APBA1: variants seen among roughly 807,000 people sequenced by gnomAD.
APBA1 encodes the protein amyloid beta precursor protein binding family A member 1.
A neutral mutation model predicts 86.6 loss-of-function variants in APBA1; 55 were observed. The ratio of observed to expected loss-of-function variants is 0.64; its 90% CI spans 0.51 to 0.80. The LOEUF is 0.80. APBA1 is among the 30% of genes least tolerant of loss of function. The pLI, the probability that APBA1 is intolerant of heterozygous loss-of-function variation, is 0.00. For synonymous variants in APBA1, 511 were observed against 493.9 expected (o/e 1.03, Z -0.46); for missense variants, 1,090 against 1,183.0 (o/e 0.92, Z 1.15).
At chr9:69,488,625 G>C (rs1835650210) in intron 2 of APBA1, among the ~76,000 whole-genome samples, 1 of 152,150 alleles carries the variant, frequency 6.6e-6, no homozygotes, top group African/African-American at 2.4e-5. Flanking sequence ...GCCGAAGTGT[G>C]GCATGATGGC....
intron 1 of APBA1, among the ~76,000 whole-genome samples, chr9:69,569,200 G>A (rs1837076884): frequency 1.3e-5 from 2 of 152,108 alleles, no homozygotes; most frequent in South Asian, 4.1e-4. Flanking sequence ...TCATTCAGGT[G>A]TGGTTTTTCA....
chr9:69,579,422 G>T (rs1821871186), intron 1 of APBA1, among the ~76,000 whole-genome samples: 1 of 152,162 alleles, frequency 6.6e-6, no homozygotes, highest in South Asian at 2.1e-4. Flanking sequence ...ACTATAGGAG[G>T]AATGTCTGTA....
rs980490053 is a variant in APBA1, at chr9:69,429,530, T to C, written c.*1797A>G. The C allele has an allele frequency of 6.6e-6, 1 of 152,196 alleles. No homozygotes were observed. Among genetic ancestry groups the C allele is most frequent in the African/African-American group, 2.4e-5 (1 of 41,434 alleles). The allele number at this position is 152,196 out of a possible 1,614,324, so 9.4% of individuals were successfully genotyped here. A position where few individuals can be genotyped will look rare whatever the true frequency, so the allele number is the denominator to read the frequency against. ...GCGGCCTCCCTTCCTCAGGGCTCCT[T>C]TGTAACACAGTGAAACTGAGAGTGC... On this transcript the variant is annotated 3_prime_UTR_variant, in exon 13 of 13. Transcript: ENST00000265381.
At chr9:69,584,583 C>T (rs58444973) in intron 1 of APBA1, among the ~76,000 whole-genome samples, 2,110 of 152,246 alleles carry the variant, frequency 0.014, 45 homozygotes, top group African/African-American at 0.048. Flanking sequence ...AATCATGCCA[C>T]GTACAACTAT....
chr9:69,636,889 A>G (rs1823180446), intron 1 of APBA1, among the ~76,000 whole-genome samples: 1 of 85,356 alleles, frequency 1.2e-5, no homozygotes, highest in Non-Finnish European at 2.5e-5. Context: ...GAAGGAAGGA[A>G]AGAAGGAAGG....
intron 1 of APBA1, among the ~76,000 whole-genome samples, chr9:69,613,752 T>C (rs1347336684): frequency 6.6e-6 from 1 of 152,196 alleles, no homozygotes; most frequent in African/African-American, 2.4e-5. Context: ...CTTCCCATGA[T>C]TTTACTAATA....
chr9:69,519,723 G>A (rs1414627782), intron 1 of APBA1, among the ~76,000 whole-genome samples: 3 of 152,344 alleles, frequency 2.0e-5, no homozygotes, highest in Middle Eastern at 3.4e-3. Flanking sequence ...ATAACCATAT[G>A]TGGAACTGAC....
At chr9:69,555,759 T>C (rs909314433) in intron 1 of APBA1, among the ~76,000 whole-genome samples, 1 of 152,232 alleles carries the variant, frequency 6.6e-6, no homozygotes, top group Admixed American at 6.5e-5. Context: ...TTAATTTACA[T>C]CTGTTATTAC....
At chr9:69,668,042 G>A (rs113841523) in intron 1 of APBA1, among the ~76,000 whole-genome samples, 4 of 151,924 alleles carry the variant, frequency 2.6e-5, no homozygotes, top group African/African-American at 7.3e-5. Flanking sequence ...CTTGTTTAAC[G>A]TGGTTCCTGT....
rs749325537 is a variant in APBA1, at chr9:69,516,161, G to A, written c.1050C>T (p.Ile350=). 6.2e-7 allele frequency: 1 copy of A among 1,611,960 alleles called. No homozygotes were observed. Among genetic ancestry groups the A allele is most frequent in the South Asian group, 1.1e-5 (1 of 90,964 alleles). Residue 350 remains isoleucine (I), a synonymous_variant, in exon 2 of 13, where the codon ATC becomes ATT. Coordinates refer to ENST00000265381, the MANE Select transcript of APBA1 (RefSeq NM_001163.4). The surrounding 1 kb of genome is among the most constrained non-coding windows in gnomAD (Gnocchi z 7.3). ...CCTCGATGGCCTCCTTGATGTCCTT[G>A]ATGGCCAGCGAGATGGCATCGCGCT... is the stretch of plus-strand genomic sequence containing the variant. ...KEKRDAISLA[I]KDIKEAIEEV... is the part of the protein sequence containing the mutation.
intron 1 of APBA1, among the ~76,000 whole-genome samples, chr9:69,642,030 G>A (rs1317227281): frequency 6.6e-6 from 1 of 152,158 alleles, no homozygotes; most frequent in African/African-American, 2.4e-5. Context: ...TATTTTAGTA[G>A]AGATGGGGTT....
At chr9:69,473,399 T>C (rs1204630737) in intron 3 of APBA1, among the ~76,000 whole-genome samples, 1 of 152,222 alleles carries the variant, frequency 6.6e-6, no homozygotes, top group Non-Finnish European at 1.5e-5. Context: ...ACCATTTCCC[T>C]ACCCTTGTCC....
chr9:69,493,053 G>A (rs1476284487), intron 2 of APBA1, among the ~76,000 whole-genome samples: 4 of 152,056 alleles, frequency 2.6e-5, no homozygotes, highest in Non-Finnish European at 5.9e-5. Context: ...TATGCTGCAT[G>A]AGACTACAGC....
intron 1 of APBA1, among the ~76,000 whole-genome samples, chr9:69,542,949 C>G (rs1369257417): frequency 7.9e-5 from 12 of 152,214 alleles, no homozygotes; most frequent in Admixed American, 6.5e-4. Context: ...AACCAGTTCT[C>G]GTTTTCCTTG....
In APBA1 at chr9:69,516,446, G is replaced by T; in HGVS notation, c.765C>A (p.Phe255Leu). The T allele has an allele frequency of 1.2e-6, 2 of 1,604,024 alleles. No individual in the cohort carries two copies. ...AGCTGTCCATGCGCGGGTAGGGCGC[G>T]AACTCGGCCTCCTTCTCGGGGCTGT... ...ESDSPEKEAE[F>L]APYPRMDSYE... Residue 255 changes from phenylalanine to leucine, a missense_variant, in exon 2 of 13, where the codon TTC becomes TTA. Around this residue, in one of 6 missense-constraint regions of APBA1, gnomAD observed 678 missense variants for 647.1 expected, o/e 1.05. Coordinates refer to ENST00000265381, the MANE Select transcript of APBA1 (RefSeq NM_001163.4). This position sits in a 1 kb window ranked among gnomAD's most constrained non-coding sequence, Gnocchi z 7.3.
chr9:69,482,185 A>T (rs573648150), intron 2 of APBA1, among the ~76,000 whole-genome samples: 8 of 152,186 alleles, frequency 5.3e-5, no homozygotes, highest in African/African-American at 1.9e-4. Flanking sequence ...TGAACAGGCA[A>T]CCTACAAAAA....
chr9:69,501,953 T>G (rs997682899), intron 2 of APBA1, among the ~76,000 whole-genome samples: 2 of 152,154 alleles, frequency 1.3e-5, no homozygotes, highest in African/African-American at 4.8e-5. Context: ...CAACTCTGAC[T>G]AGCAACTGAC....
chr9:69,590,776 C>T (rs895260925), intron 1 of APBA1, among the ~76,000 whole-genome samples: 3 of 152,164 alleles, frequency 2.0e-5, no homozygotes, highest in Admixed American at 6.5e-5. Context: ...CTCCCAGCTT[C>T]GCCAGGGTGG....
intron 1 of APBA1, among the ~76,000 whole-genome samples, chr9:69,664,870 A>G (rs1823815870): frequency 6.6e-6 from 1 of 152,240 alleles, no homozygotes; most frequent in Admixed American, 6.5e-5. Context: ...CAGTTGTCAC[A>G]ATACATTAAA....
Sources: allele counts gnomAD v4.1 joint callset (sites outside exome capture counted in the v4.1 genomes callset), GRCh38; gene constraint gnomAD v4.1.1; regional missense constraint gnomAD v4.1.1; non-coding constraint Gnocchi (gnomAD v3.1); transcripts MANE v1.5; gene names NCBI Gene and HGNC (gene_info 2026-07-23, HGNC 2026-07-21).